STAU2: variants seen among roughly 807,000 people sequenced by gnomAD.
STAU2 encodes the protein double-stranded RNA-binding protein Staufen homolog 2.
A neutral mutation model predicts 65.9 loss-of-function variants in STAU2; 20 were observed. That is an observed-to-expected ratio of 0.30 (90% CI 0.21 to 0.44). STAU2 has a LOEUF of 0.44. Ranked by LOEUF, STAU2 falls within the 20% of genes least tolerant of loss-of-function variation. The pLI, the probability that STAU2 is intolerant of heterozygous loss-of-function variation, is 1.00. For synonymous variants in STAU2, 232 were observed against 233.9 expected (o/e 0.99, Z 0.07); for missense variants, 558 against 683.9 (o/e 0.82, Z 2.05).
At chr8:73,470,814 A>AT (rs58008331) in intron 13 of STAU2, among the ~76,000 whole-genome samples, 119 of 151,304 alleles carry the variant, frequency 7.9e-4, no homozygotes, top group African/African-American at 2.6e-3. Flanking sequence ...TAAAAAAAAA[A>AT]TTTTTTTTTA....
intron 6 of STAU2, among the ~76,000 whole-genome samples, chr8:73,661,325 C>T (rs962041911): frequency 1.3e-5 from 2 of 152,104 alleles, no homozygotes; most frequent in Non-Finnish European, 2.9e-5. Context: ...TTATTTTAAC[C>T]TCTAGAAAAA....
intron 13 of STAU2, among the ~76,000 whole-genome samples, chr8:73,468,816 A>G (rs1184263374): frequency 6.6e-6 from 1 of 152,172 alleles, no homozygotes; most frequent in Non-Finnish European, 1.5e-5. Flanking sequence ...CAGGTGCTGG[A>G]GAGGATGTGG....
intron 6 of STAU2, among the ~76,000 whole-genome samples, chr8:73,621,887 G>A (rs1201701953): frequency 6.6e-6 from 1 of 151,544 alleles, no homozygotes; most frequent in Non-Finnish European, 1.5e-5. Flanking sequence ...CTTGGCAATT[G>A]CTTCAGAGTC....
At chr8:73,484,826 G>A (rs1449113651) in intron 13 of STAU2, among the ~76,000 whole-genome samples, 1 of 152,070 alleles carries the variant, frequency 6.6e-6, no homozygotes, top group East Asian at 1.9e-4. Context: ...GCACACTAGA[G>A]GTTAGTTCAA....
chr8:73,737,005 C>T (rs1462548105), intron 3 of STAU2, among the ~76,000 whole-genome samples: 6 of 152,200 alleles, frequency 3.9e-5, no homozygotes, highest in South Asian at 4.1e-4. Context: ...GCTGGGACTA[C>T]AGGTGTGCAC....
At chr8:73,545,635 CT>C (rs59727847) in intron 13 of STAU2, among the ~76,000 whole-genome samples, 9,340 of 136,812 alleles carry the variant, frequency 0.068, 538 homozygotes, top group Admixed American at 0.21. Context: ...AGTCAGAATT[CT>C]TTTTTTTTTT....
intron 10 of STAU2, among the ~76,000 whole-genome samples, chr8:73,598,670 C>T (rs1413520436): frequency 2.6e-5 from 4 of 151,964 alleles, no homozygotes; most frequent in East Asian, 1.9e-4. Context: ...TAACAGTTTA[C>T]ACAAATCCTA....
chr8:73,497,257 C>A, intron 13 of STAU2, among the ~76,000 whole-genome samples: 1 of 151,702 alleles, frequency 6.6e-6, no homozygotes, highest in East Asian at 1.9e-4. Context: ...TGGCTCTAAT[C>A]TGAAGCTTTA....
chr8:73,651,462 A>G (rs1815872086), intron 6 of STAU2: 9 of 676,982 alleles, frequency 1.3e-5, no homozygotes, highest in Non-Finnish European at 2.2e-5. Flanking sequence ...CGGCAAATGC[A>G]GGACTCCCAG....
At chr8:73,525,976 A>C (rs1198265500) in intron 13 of STAU2, among the ~76,000 whole-genome samples, 1 of 152,192 alleles carries the variant, frequency 6.6e-6, no homozygotes, top group Non-Finnish European at 1.5e-5. Context: ...CTCTTCTGTA[A>C]GCTAATTTAG....
intron 13 of STAU2, among the ~76,000 whole-genome samples, chr8:73,473,893 T>A (rs994119520): frequency 6.6e-6 from 1 of 151,944 alleles, no homozygotes; most frequent in Non-Finnish European, 1.5e-5. Flanking sequence ...AAAAAGGAGA[T>A]GGAAGAAGGT....
chr8:73,533,803 T>A (rs897842294), intron 13 of STAU2, among the ~76,000 whole-genome samples: 2 of 152,124 alleles, frequency 1.3e-5, no homozygotes, highest in African/African-American at 2.4e-5. Flanking sequence ...TTTCATGCTG[T>A]TTTGAAAATA....
intron 6 of STAU2, among the ~76,000 whole-genome samples, chr8:73,652,011 T>C (rs989690002): frequency 6.6e-6 from 1 of 152,196 alleles, no homozygotes; most frequent in African/African-American, 2.4e-5. Flanking sequence ...AGGGTCAGTG[T>C]AGAGTCAAAC....
intron 6 of STAU2, among the ~76,000 whole-genome samples, chr8:73,670,747 C>G (rs1409199104): frequency 1.3e-5 from 2 of 151,920 alleles, no homozygotes; most frequent in African/African-American, 4.8e-5. Context: ...AAATATCTTC[C>G]CTACACATCT....
At chr8:73,588,692 A>C (rs1810552496) in intron 11 of STAU2, among the ~76,000 whole-genome samples, 1 of 152,252 alleles carries the variant, frequency 6.6e-6, no homozygotes, top group African/African-American at 2.4e-5. Context: ...GATTGAAAGC[A>C]AAAGCTATAT....
chr8:73,649,592 G>A (rs1363125085), intron 6 of STAU2, among the ~76,000 whole-genome samples: 1 of 151,770 alleles, frequency 6.6e-6, no homozygotes, highest in Non-Finnish European at 1.5e-5. Flanking sequence ...ACTCCTAAAA[G>A]GAACTGTCAA....
intron 12 of STAU2, among the ~76,000 whole-genome samples, chr8:73,575,397 C>A (rs562745998): frequency 6.6e-6 from 1 of 152,092 alleles, no homozygotes; most frequent in Non-Finnish European, 1.5e-5. Context: ...ATGGTAGAGA[C>A]GTAAACTGCT....
chr8:73,580,797 C>T (rs1212791863), intron 12 of STAU2, among the ~76,000 whole-genome samples: 1 of 152,120 alleles, frequency 6.6e-6, no homozygotes, highest in East Asian at 1.9e-4. Context: ...TATCCTCTAT[C>T]GTAATCCAAG....
intron 3 of STAU2, among the ~76,000 whole-genome samples, chr8:73,717,834 ACT>A (rs1176148244): frequency 1.3e-5 from 2 of 152,114 alleles, no homozygotes; most frequent in African/African-American, 4.8e-5. Flanking sequence ...TGGCTCCCAC[ACT>A]GTTCTTTTTC....
Sources: gnomAD v4.1 joint callset for allele counts (sites outside exome capture counted in the v4.1 genomes callset) on GRCh38, gnomAD v4.1.1 for gene constraint, MANE v1.5 for transcripts, NCBI Gene and HGNC (gene_info 2026-07-23, HGNC 2026-07-21) for gene names.